The following ZNF280D variants were observed in gnomAD, a reference collection of about 807,000 sequenced individuals.
ZNF280D encodes zinc finger protein 280D, also known as suppressor of hairy wing homolog 4.
A neutral mutation model predicts 94.7 loss-of-function variants in ZNF280D; 39 were observed. The observed-to-expected ratio is 0.41, with a 90% CI of 0.32 to 0.54. ZNF280D has a LOEUF of 0.54. ZNF280D is among the 20% of genes least tolerant of loss of function. The pLI is 0.22. For missense variants in ZNF280D, 1,090 were observed against 1,149.3 expected, an observed-to-expected ratio of 0.95 and a Z score of 0.75; for synonymous variants, 398 against 377.6, an observed-to-expected ratio of 1.05 and a Z score of -0.63.
intron 16 of ZNF280D, 122 bp downstream of exon 16, chr15:56,666,273 G>T: frequency 2.1e-6 from 2 of 965,098 alleles, no homozygotes; most frequent in Non-Finnish European, 3.0e-6. Flanking sequence ...GTTCCTTATT[G>T]TTAGATCCTT....
At chr15:56,694,650 T>C (rs1270039020) in intron 6 of ZNF280D, among the ~76,000 whole-genome samples, 1 of 152,158 alleles carries the variant, frequency 6.6e-6, no homozygotes, top group East Asian at 1.9e-4. Flanking sequence ...CCATAATATC[T>C]ACTACAAAAT....
At chr15:56,733,315 C>G (rs528389070) in intron 1 of ZNF280D, 143 bp downstream of exon 1, 2 of 328,858 alleles carry the variant, frequency 6.1e-6, no homozygotes, top group Non-Finnish European at 8.7e-6. Flanking sequence ...CCGGTCTCCT[C>G]CCCCGCGCTC....
At chr15:56,680,911 T>G (rs1448134991) in intron 10 of ZNF280D, among the ~76,000 whole-genome samples, 2 of 152,198 alleles carry the variant, frequency 1.3e-5, no homozygotes, top group African/African-American at 4.8e-5. Flanking sequence ...TTTACCATAT[T>G]TACTAACATG....
Position 56,668,903 on chromosome 15 carries a change from C to T in ZNF280D, c.1465G>A (p.Glu489Lys), listed in dbSNP as rs780417457. The T allele has an allele frequency of 6.2e-7, 1 of 1,611,984 alleles. No individual in the cohort carries two copies. Among genetic ancestry groups the T allele is most frequent in the Admixed American group, 1.7e-5 (1 of 59,786 alleles). The change falls in exon 14 of 22, where the codon GAG (glutamate) becomes AAG (lysine). Residue 489 changes from glutamate (E) to lysine (K), a missense_variant. This residue lies in a region of ZNF280D where 127 missense variants were observed against 208.6 expected (regional missense o/e 0.61). Coordinates refer to ENST00000267807, the MANE Select transcript of ZNF280D (RefSeq NM_017661.4). ...TGTTGAGTCTTATGATCCATTTTCT[C>T]CTTGCATGTCAAAAACTGCAGCCTG... Reference protein sequence around the residue: ...KCRLQFLTCKEKMDHKTQHHR... With the variant: ...KCRLQFLTCKKKMDHKTQHHR...
intron 19 of ZNF280D, among the ~76,000 whole-genome samples, chr15:56,652,317 G>GTTACTATATA (rs2053254500): frequency 2.0e-5 from 3 of 152,044 alleles, no homozygotes; most frequent in African/African-American, 7.2e-5. Context: ...TAAGAAATTA[G>GTTACTATATA]TATAGTAACC....
At chr15:56,684,382 A>G (rs773319218) in intron 9 of ZNF280D, among the ~76,000 whole-genome samples, 4 of 152,230 alleles carry the variant, frequency 2.6e-5, no homozygotes, top group Non-Finnish European at 5.9e-5. Flanking sequence ...GCTGCCGTGG[A>G]GCAGTTGCAG....
chr15:56,713,457 T>A (rs1238134967), intron 1 of ZNF280D, among the ~76,000 whole-genome samples: 3 of 152,194 alleles, frequency 2.0e-5, no homozygotes, highest in Admixed American at 6.5e-5. Context: ...TCTCAGAAAT[T>A]TTCCAAGAAA....
At chr15:56,647,344 G>A (rs1453140063) in intron 19 of ZNF280D, among the ~76,000 whole-genome samples, 4 of 152,124 alleles carry the variant, frequency 2.6e-5, no homozygotes, top group African/African-American at 9.7e-5. Context: ...TGCCTGCCCT[G>A]GCTGGTAAGA....
intron 20 of ZNF280D, among the ~76,000 whole-genome samples, chr15:56,639,363 A>G (rs2052514109): frequency 6.6e-6 from 1 of 151,978 alleles, no homozygotes. Flanking sequence ...TTCTTAAAAA[A>G]AGGAGAACAC....
At chr15:56,667,388 C>G (rs1350042462) in intron 14 of ZNF280D, among the ~76,000 whole-genome samples, 1 of 152,034 alleles carries the variant, frequency 6.6e-6, no homozygotes, top group Non-Finnish European at 1.5e-5. Context: ...TACCCTTTAA[C>G]AACTATAAAA....
At chr15:56,668,789 A>G (rs776034967) in intron 14 of ZNF280D, 34 bp downstream of exon 14, 2 of 1,527,748 alleles carry the variant, frequency 1.3e-6, no homozygotes, top group South Asian at 2.6e-5. Flanking sequence ...CTATTATCAT[A>G]CAAAATGTTA....
intron 16 of ZNF280D, among the ~76,000 whole-genome samples, chr15:56,661,853 T>C (rs897755058): frequency 6.6e-6 from 1 of 152,164 alleles, no homozygotes; most frequent in African/African-American, 2.4e-5. Context: ...TTAAGCACTT[T>C]AATACAGTTT....
At chr15:56,717,437 G>A (rs1596651179) in intron 1 of ZNF280D, among the ~76,000 whole-genome samples, 1 of 152,162 alleles carries the variant, frequency 6.6e-6, no homozygotes, top group Non-Finnish European at 1.5e-5. Context: ...CTTGAACTTT[G>A]TGTGGCTCAA....
At chr15:56,725,276 T>A (rs1050151224) in intron 1 of ZNF280D, among the ~76,000 whole-genome samples, 6 of 151,522 alleles carry the variant, frequency 4.0e-5, no homozygotes, top group Non-Finnish European at 7.4e-5. Context: ...CCAAACCTGA[T>A]CAAAAAAAGA....
intron 13 of ZNF280D, among the ~76,000 whole-genome samples, chr15:56,673,717 T>C (rs1249608917): frequency 6.6e-6 from 1 of 152,018 alleles, no homozygotes; most frequent in Non-Finnish European, 1.5e-5. Flanking sequence ...TTCTTCCTCC[T>C]ATTAATTTAC....
intron 1 of ZNF280D, among the ~76,000 whole-genome samples, chr15:56,729,345 G>C (rs930378877): frequency 6.6e-6 from 1 of 152,196 alleles, no homozygotes; most frequent in South Asian, 2.1e-4. Context: ...AGGAAGAACA[G>C]CATTGAACTT....
At chr15:56,723,742 A>G (rs537182650) in intron 1 of ZNF280D, among the ~76,000 whole-genome samples, 62 of 152,266 alleles carry the variant, frequency 4.1e-4, no homozygotes, top group African/African-American at 1.4e-3. Flanking sequence ...GACCACGCCC[A>G]TAGAACCTCA....
chr15:56,668,809 A>G lies in ZNF280D; in HGVS notation c.1545+14T>C. On this transcript the variant is annotated intron_variant, in intron 14 of 21. Transcript: ENST00000267807. ...ATCATACAAAATGTTAAAATACAAT[A>G]TATTTTAACTCACTTTTGTTCCAGG... is the stretch of plus-strand genomic sequence containing the variant. 1 of 1,583,748 alleles carries G rather than the reference A, an allele frequency of 6.3e-7. No homozygotes were observed. The highest frequency in any genetic ancestry group is 1.2e-5 in the South Asian group (1 of 85,580).
chr15:56,727,391 G>A (rs1363845955), intron 1 of ZNF280D, among the ~76,000 whole-genome samples: 5 of 152,136 alleles, frequency 3.3e-5, no homozygotes, highest in Admixed American at 6.5e-5. Flanking sequence ...CCCGGGAAGT[G>A]GAGGCTGCAG....
Sources: allele counts gnomAD v4.1 joint callset (sites outside exome capture counted in the v4.1 genomes callset), GRCh38; gene constraint gnomAD v4.1.1; regional missense constraint gnomAD v4.1.1; transcripts MANE v1.5; gene names NCBI Gene and HGNC (gene_info 2026-07-23, HGNC 2026-07-21).